The following TBX3 variants were observed in gnomAD, a reference collection of about 807,000 sequenced individuals.
TBX3 encodes T-box transcription factor 3, also known as T-box transcription factor TBX3.
Under a neutral mutation model 47.8 loss-of-function variants are expected in TBX3, and 11 were observed. That is an observed-to-expected ratio of 0.23 (90% CI 0.14 to 0.38). TBX3 has a LOEUF of 0.38. Ranked by LOEUF, TBX3 falls within the 10% of genes least tolerant of loss-of-function variation. TBX3 has a pLI of 1.00. For missense variants in TBX3, 927 were observed against 1,022.8 expected, an observed-to-expected ratio of 0.91 and a Z score of 1.28; for synonymous variants, 500 against 449.3, an observed-to-expected ratio of 1.11 and a Z score of -1.43.
chr12:114,670,464 G>A lies in TBX3; in HGVS notation c.*1377C>T, dbSNP rs1031849661. ...CAAAACACCGATACTGACAACAGTA[G>A]TAAATTCCACTTCGTTTTGAGGAAA... On this transcript the variant is annotated 3_prime_UTR_variant, in exon 7 of 7. Transcript: ENST00000349155. The A allele has an allele frequency of 1.8e-5, 4 of 218,026 alleles. No homozygotes were observed. The highest frequency in any genetic ancestry group is 2.8e-5 in the Non-Finnish European group (3 of 108,428). The allele number at this position is 218,026 out of a possible 1,614,324, so 13.5% of individuals were successfully genotyped here.
At chr12:114,672,424 T>C in intron 6 of TBX3, 122 bp from the exon 7 acceptor site, 1 of 798,880 alleles carries the variant, frequency 1.3e-6, no homozygotes, top group Non-Finnish European at 1.7e-6. Context: ...GTTCTGTTGT[T>C]GTTGTTGTTG....
chr12:114,678,020 TCACACACA>T (rs3068592), intron 3 of TBX3, among the ~76,000 whole-genome samples: 25 of 144,164 alleles, frequency 1.7e-4, no homozygotes, highest in South Asian at 9.1e-4. Flanking sequence ...CATACTCCCT[TCACACACA>T]CACACACACA....
At chr12:114,681,268 CT>C in intron 1 of TBX3, 122 bp from the exon 2 acceptor site, 1 of 1,372,400 alleles carries the variant, frequency 7.3e-7, no homozygotes, top group Non-Finnish European at 9.9e-7. Context: ...GACTGATAAG[CT>C]TACATGTTTC....
At chr12:114,676,164 C>T (rs755497997) in intron 5 of TBX3, 149 bp downstream of exon 5, 9 of 974,168 alleles carry the variant, frequency 9.2e-6, no homozygotes, top group African/African-American at 1.6e-5. Flanking sequence ...ACCTGATAGC[C>T]CTTTTTGAAC....
rs886049008 is a variant in TBX3, at chr12:114,671,826, G to C, written c.*15C>G. On this transcript the variant is annotated 3_prime_UTR_variant, in exon 7 of 7. Coordinates refer to ENST00000349155, the MANE Select transcript of TBX3 (RefSeq NM_005996.4). ...CTGAACTGGACTGGAATGAAAAGAC[G>C]TGTCTGGGACGGGTCTACGGGGACG... is the stretch of plus-strand genomic sequence containing the variant. 1.9e-6 allele frequency: 3 copies of C among 1,551,286 alleles called. No homozygotes were observed. The highest frequency in any genetic ancestry group is 2.4e-5 in the East Asian group (1 of 41,164).
rs1275726334 is a variant in TBX3 at position 114,677,498 on chromosome 12, A to G, written c.881+82T>C. 6.9e-6 allele frequency: 8 copies of G among 1,158,236 alleles called. No individual in the cohort carries two copies. The Admixed American group carries it at 6.9e-5, about 10-fold the overall frequency. 71.7% of individuals were successfully genotyped at this position (1,158,236 alleles called of 1,614,324 possible). ...ACCCGCTCTTAGGATAAGTGCCTGC[A>G]TCTCACTTCTAACACTTCAGAGTTG... On this transcript the variant is annotated intron_variant, in intron 4 of 6. Transcript: ENST00000349155.
Position 114,681,163 on chromosome 12 carries a change from T to C in TBX3, c.390-17A>G, listed in dbSNP as rs377527643. The C allele has an allele frequency of 4.5e-5, 72 of 1,613,496 alleles. No homozygotes were observed. Among genetic ancestry groups the C allele is most frequent in the Non-Finnish European group, 5.8e-5 (68 of 1,179,938 alleles). On this transcript the variant is annotated splice_polypyrimidine_tract_variant and intron_variant, in intron 1 of 6. Transcript: ENST00000349155. ...AACATTCGCCTATAAAACGAAAGAA[T>C]AGAAAAGAAAAAGAAAGATAAACCA...
At chr12:114,679,449 G>C in intron 3 of TBX3, 56 bp downstream of exon 3, 1 of 1,610,654 alleles carries the variant, frequency 6.2e-7, no homozygotes, top group South Asian at 1.1e-5. Context: ...ACTTAAAGCA[G>C]CTTTTAAGGG....
rs2121160164 is a variant in TBX3 at position 114,683,110 on chromosome 12, T to C, written c.91A>G (p.Ser31Gly). 6.2e-7 allele frequency: 1 copy of C among 1,612,436 alleles called. No individual in the cohort carries two copies. Among genetic ancestry groups the C allele is most frequent in the Non-Finnish European group, 8.5e-7 (1 of 1,179,496 alleles). ...LPHRAPDFAM[S>G]AVLGHQPPFF... ...GGCGGCTGGTGACCCAGCACCGCGC[T>C]CATGGCGAAGTCCGGCGCCCGGTGA... is the stretch of plus-strand genomic sequence containing the variant. The change falls in exon 1 of 7, where the codon AGC becomes GGC. Residue 31 changes from serine (S) to glycine (G), a missense_variant. Transcript: ENST00000349155. The surrounding 1 kb of genome is among the most constrained non-coding windows in gnomAD (Gnocchi z 7.7).
Position 114,674,722 on chromosome 12 carries a change from G to T in TBX3, c.1153C>A (p.Arg385Ser). The T allele has an allele frequency of 6.2e-7, 1 of 1,601,170 alleles. No homozygotes were observed. The change falls in exon 6 of 7, where the codon CGT becomes AGT. Residue 385 changes from arginine to serine, a missense_variant. Around this residue, in one of 5 missense-constraint regions of TBX3, gnomAD observed 623 missense variants for 569.0 expected, o/e 1.09. Transcript: ENST00000349155. ...TTGACCGCGGGGCTGCCCTTGTCAC[G>T]GCAGGGCTCCTCCGACGTGGTGGTG... Reference protein sequence around the residue: ...ISTTTSEEPCRDKGSPAVKAH... With the variant: ...ISTTTSEEPCSDKGSPAVKAH...
intron 5 of TBX3, among the ~76,000 whole-genome samples, chr12:114,675,771 C>T (rs1446946247): frequency 6.0e-5 from 9 of 149,594 alleles, no homozygotes; most frequent in Non-Finnish European, 1.0e-4. Context: ...CCCAGCTCTA[C>T]CCCCACCGCA....
At chr12:114,677,374 C>T (rs1868755726) in intron 4 of TBX3, among the ~76,000 whole-genome samples, 1 of 152,102 alleles carries the variant, frequency 6.6e-6, no homozygotes, top group African/African-American at 2.4e-5. Context: ...ATGGTGTAGC[C>T]TAGTTAATTT....
rs555360356 is a variant in TBX3 at position 114,674,393 on chromosome 12, G to T, written c.1482C>A (p.Asn494Lys). ...TGGGGTGCAGGAAGAGCGGGTGCCC[G>T]TTGAAGAACTGTTGGCCCGCCAGGC... ...APGLAGQQFF[N>K]GHPLFLHPSQ... The change falls in exon 6 of 7, where the codon AAC becomes AAA. Residue 494 changes from asparagine to lysine, a missense_variant. Asn to Lys is a moderately conservative substitution (Grantham distance 94). Transcript: ENST00000349155. 1.3e-6 allele frequency: 2 copies of T among 1,552,054 alleles called. No homozygotes were observed. The highest frequency in any genetic ancestry group is 1.7e-6 in the Non-Finnish European group (2 of 1,148,168).
At chr12:114,679,761 T>C in intron 2 of TBX3, 110 bp from the exon 3 acceptor site, 1 of 1,562,644 alleles carries the variant, frequency 6.4e-7, no homozygotes, top group Non-Finnish European at 8.8e-7. Flanking sequence ...GGTACCACGC[T>C]TGTACCGAGC....
chr12:114,682,788 G>C, intron 1 of TBX3, 24 bp downstream of exon 1: 1 of 1,614,122 alleles, frequency 6.2e-7, no homozygotes, highest in Non-Finnish European at 8.5e-7. Context: ...CAACAGCTTA[G>C]GGGAGGAGGC....
chr12:114,675,410 T>C (rs1868661832), intron 5 of TBX3, among the ~76,000 whole-genome samples: 1 of 152,136 alleles, frequency 6.6e-6, no homozygotes, highest in African/African-American at 2.4e-5. Context: ...GTTGAACCGT[T>C]TGTATTTGCC....
intron 6 of TBX3, among the ~76,000 whole-genome samples, chr12:114,672,738 C>A (rs1261923385): frequency 6.6e-6 from 1 of 152,054 alleles, no homozygotes; most frequent in Non-Finnish European, 1.5e-5. Context: ...ACAGAGGTAA[C>A]CAAGGGGAAG....
chr12:114,674,858 C>T, intron 5 of TBX3, 23 bp from the exon 6 acceptor site: 1 of 1,555,052 alleles, frequency 6.4e-7, no homozygotes, highest in Non-Finnish European at 8.6e-7. Flanking sequence ...AAGGAAAAAA[C>T]CAAGGCAGAA....
intron 3 of TBX3, 102 bp from the exon 4 acceptor site, chr12:114,677,758 A>T (rs780583112): frequency 4.7e-5 from 50 of 1,058,712 alleles, no homozygotes; most frequent in Non-Finnish European, 2.5e-5. Flanking sequence ...TGTGACTGCC[A>T]ACAGAAGTCA....
Sources: allele counts gnomAD v4.1 joint callset (sites outside exome capture counted in the v4.1 genomes callset), GRCh38; gene constraint gnomAD v4.1.1; regional missense constraint gnomAD v4.1.1; non-coding constraint Gnocchi (gnomAD v3.1); transcripts MANE v1.5; gene names NCBI Gene and HGNC (gene_info 2026-07-23, HGNC 2026-07-21).